Variants in FAM184A observed in about 807,000 individuals in gnomAD.
The protein encoded by FAM184A is protein FAM184A.
In FAM184A, 99 loss-of-function variants were observed where a neutral mutation model predicts 143.8. The observed-to-expected ratio is 0.69, with a 90% CI of 0.58 to 0.81. FAM184A has a LOEUF of 0.81. Among genes scored for constraint, FAM184A ranks in the 40% least tolerant of loss-of-function variants. The pLI is 0.00. For synonymous variants in FAM184A, 427 were observed against 446.4 expected (o/e 0.96, Z 0.55); for missense variants, 1,217 against 1,310.5 (o/e 0.93, Z 1.10).
intron 1 of FAM184A, among the ~76,000 whole-genome samples, chr6:119,136,247 C>T (rs1267746750): frequency 1.1e-4 from 14 of 132,060 alleles, no homozygotes; most frequent in African/African-American, 3.8e-4. Flanking sequence ...CACTGCAGTC[C>T]GCAGTCCGGC....
chr6:119,014,101 A>G (rs1056243608), intron 5 of FAM184A, among the ~76,000 whole-genome samples: 19 of 152,262 alleles, frequency 1.2e-4, no homozygotes, highest in Non-Finnish European at 2.1e-4. Flanking sequence ...CATGTGCTTG[A>G]GCACATCCCC....
intron 1 of FAM184A, among the ~76,000 whole-genome samples, chr6:119,026,744 A>G (rs1785647932): frequency 6.6e-6 from 1 of 152,212 alleles, no homozygotes; most frequent in Non-Finnish European, 1.5e-5. Context: ...ACATCATGTG[A>G]TACTATACCA....
chr6:119,103,002 T>C (rs1018502882), intron 1 of FAM184A, among the ~76,000 whole-genome samples: 2 of 152,108 alleles, frequency 1.3e-5, no homozygotes, highest in African/African-American at 2.4e-5. Context: ...CTGTTCTTCA[T>C]GCAATTCTGG....
At chr6:119,031,064 T>A (rs945726516) in intron 1 of FAM184A, among the ~76,000 whole-genome samples, 1 of 152,164 alleles carries the variant, frequency 6.6e-6, no homozygotes, top group Admixed American at 6.5e-5. Context: ...CAATAGTAAT[T>A]TTTACTTTTC....
At chr6:119,091,946 C>T (rs1788379957) in intron 1 of FAM184A, among the ~76,000 whole-genome samples, 2 of 152,120 alleles carry the variant, frequency 1.3e-5, no homozygotes, top group South Asian at 4.2e-4. Flanking sequence ...GTTGATGGGT[C>T]CATTGCACTA....
intron 1 of FAM184A, among the ~76,000 whole-genome samples, chr6:119,146,366 C>T (rs1479065123): frequency 3.3e-5 from 5 of 151,008 alleles, no homozygotes; most frequent in Non-Finnish European, 1.5e-5. Flanking sequence ...TATATACCAT[C>T]TGCTCTTCAG....
chr6:119,017,211 G>C (rs1785287476), intron 4 of FAM184A, among the ~76,000 whole-genome samples: 1 of 152,180 alleles, frequency 6.6e-6, no homozygotes, highest in Admixed American at 6.5e-5. Flanking sequence ...TAAGAGTAAA[G>C]GGCTGGGCCG....
intron 1 of FAM184A, among the ~76,000 whole-genome samples, chr6:119,073,037 C>A (rs1230539008): frequency 1.3e-5 from 2 of 152,162 alleles, no homozygotes; most frequent in Admixed American, 6.5e-5. Flanking sequence ...AAGATACAGT[C>A]CCTAGAGCTG....
chr6:119,032,733 T>A (rs1394898085), intron 1 of FAM184A, among the ~76,000 whole-genome samples: 3 of 152,120 alleles, frequency 2.0e-5, no homozygotes, highest in Non-Finnish European at 4.4e-5. Flanking sequence ...AACCACTACA[T>A]GAGGCAAAAG....
At chr6:118,985,691 G>A (rs1784170177) in intron 9 of FAM184A, among the ~76,000 whole-genome samples, 1 of 152,164 alleles carries the variant, frequency 6.6e-6, no homozygotes, top group African/African-American at 2.4e-5. Flanking sequence ...TGGAAGGTAA[G>A]CCCCTCTCGT....
intron 9 of FAM184A, among the ~76,000 whole-genome samples, chr6:118,997,438 C>A (rs1784606663): frequency 6.6e-6 from 1 of 151,946 alleles, no homozygotes; most frequent in South Asian, 2.1e-4. Flanking sequence ...ACTTGTAATC[C>A]CAGGACTTTG....
intron 1 of FAM184A, among the ~76,000 whole-genome samples, chr6:119,148,084 C>T (rs527781880): frequency 1.3e-5 from 2 of 152,274 alleles, no homozygotes; most frequent in South Asian, 4.1e-4. Flanking sequence ...ACTGTCAACC[C>T]ACCCACCCTA....
chr6:119,103,640 AGAG>A lies in FAM184A; in HGVS notation c.-202+45435_-202+45437del, dbSNP rs1788699917. 2.7e-4 allele frequency among the ~76,000 whole-genome samples: 31 copies of A among 115,944 alleles called. 1 individual carries two copies. The allele number at this position is 115,944 out of a possible 152,430, so 76.1% of individuals were successfully genotyped here. A position where few individuals can be genotyped will look rare whatever the true frequency, so the allele number is the denominator to read the frequency against. Reference sequence around the variant, plus strand: ...AAACAAAATATTTTTAAAAAGAGAGAGAGGAGGCCAGGCACGGTGGCTCAAGCC... The same window carrying A: ...AAACAAAATATTTTTAAAAAGAGAGAGAGGCCAGGCACGGTGGCTCAAGCC... On this transcript the variant is annotated intron_variant, in intron 1 of 16. Coordinates refer to the FAM184A transcript ENST00000352896.
chr6:119,083,131 G>C (rs773218517), upstream of FAM184A, among the ~76,000 whole-genome samples: 7 of 152,196 alleles, frequency 4.6e-5, no homozygotes, highest in Non-Finnish European at 8.8e-5. Context: ...CTGTACGTTG[G>C]TCCCTTTTAG....
intron 1 of FAM184A, among the ~76,000 whole-genome samples, chr6:119,067,036 T>G (rs972437964): frequency 5.3e-5 from 8 of 152,230 alleles, no homozygotes; most frequent in African/African-American, 9.6e-5. Context: ...AATAAATTAT[T>G]TTTTAAAGGT....
chr6:118,966,164 T>G (rs185869413), intron 15 of FAM184A, among the ~76,000 whole-genome samples: 20 of 152,376 alleles, frequency 1.3e-4, no homozygotes, highest in Non-Finnish European at 1.5e-5. Flanking sequence ...GTTGCTCTTA[T>G]GCTCTTTTTG....
chr6:119,087,058 A>G (rs55982451), intron 1 of FAM184A, among the ~76,000 whole-genome samples: 9,455 of 152,262 alleles, frequency 0.062, 406 homozygotes, highest in East Asian at 0.2. Context: ...AGTAAAATTT[A>G]CAAAAATAAC....
intron 1 of FAM184A, among the ~76,000 whole-genome samples, chr6:119,066,906 G>T (rs1465604445): frequency 6.6e-6 from 1 of 152,076 alleles, no homozygotes; most frequent in Non-Finnish European, 1.5e-5. Flanking sequence ...TTATCTTTAG[G>T]TACATAGACA....
chr6:119,077,079 T>C (rs1787899456), intron 1 of FAM184A, among the ~76,000 whole-genome samples: 1 of 152,212 alleles, frequency 6.6e-6, no homozygotes, highest in African/African-American at 2.4e-5. Flanking sequence ...CTAAAATCTT[T>C]TTATTCTCTT....
Sources: allele counts gnomAD v4.1 joint callset (sites outside exome capture counted in the v4.1 genomes callset), GRCh38; gene constraint gnomAD v4.1.1; transcripts MANE v1.5; gene names NCBI Gene and HGNC (gene_info 2026-07-23, HGNC 2026-07-21).